Variants in MMP16 observed in about 807,000 individuals in gnomAD.
MMP16 encodes matrix metalloproteinase-16.
A neutral mutation model predicts 67.8 loss-of-function variants in MMP16; 12 were observed. That is an observed-to-expected ratio of 0.18 (90% CI 0.11 to 0.29). The LOEUF (loss-of-function observed/expected upper bound fraction) is 0.29, where lower values mean the gene tolerates loss of function less well. Ranked by LOEUF, MMP16 falls within the 10% of genes least tolerant of loss-of-function variation. The pLI, the probability that MMP16 is intolerant of heterozygous loss-of-function variation, is 1.00. For missense variants in MMP16, 475 were observed against 765.7 expected (o/e 0.62, Z 4.48); for synonymous variants, 249 against 255.9 (o/e 0.97, Z 0.26).
chr8:88,185,860 T>G (rs935168686), intron 3 of MMP16, among the ~76,000 whole-genome samples: 1 of 152,228 alleles, frequency 6.6e-6, no homozygotes, highest in African/African-American at 2.4e-5. Flanking sequence ...GTAAATTCCA[T>G]GAGGACAAAC....
intron 1 of MMP16, among the ~76,000 whole-genome samples, chr8:88,261,413 A>G (rs993912966): frequency 3.3e-5 from 5 of 152,108 alleles, no homozygotes; most frequent in African/African-American, 1.2e-4. Context: ...GGGGAAAAAA[A>G]TAATCCAACA....
intron 4 of MMP16, among the ~76,000 whole-genome samples, chr8:88,132,568 G>A (rs1053599983): frequency 2.0e-5 from 3 of 151,822 alleles, no homozygotes; most frequent in Non-Finnish European, 4.4e-5. Context: ...CACCATGTGG[G>A]CTCTTTTCAC....
At chr8:88,149,291 C>T (rs1323050879) in intron 4 of MMP16, among the ~76,000 whole-genome samples, 1 of 152,202 alleles carries the variant, frequency 6.6e-6, no homozygotes, top group Non-Finnish European at 1.5e-5. Flanking sequence ...GTGAGGGGCG[C>T]CCGCCATTGC....
rs1051580160 is a variant in MMP16, at chr8:88,033,716, C to T, written c.*7745G>A. On this transcript the variant is annotated 3_prime_UTR_variant, in exon 10 of 10. Transcript: ENST00000286614. ...TAAGCCTGAAACAAATTTTTATGGT[C>T]GAGTCTCTAAAACCCCTGAAAATAG... 3.3e-5 allele frequency: 5 copies of T among 151,970 alleles called. No individual in the cohort carries two copies. The highest frequency in any genetic ancestry group is 6.6e-5 in the Admixed American group (1 of 15,226). 9.4% of individuals were successfully genotyped at this position (151,970 alleles called of 1,614,324 possible). A position where few individuals can be genotyped will look rare whatever the true frequency, so the allele number is the denominator to read the frequency against.
chr8:88,053,646 T>C (rs949339108), intron 8 of MMP16, among the ~76,000 whole-genome samples: 3 of 152,152 alleles, frequency 2.0e-5, no homozygotes, highest in African/African-American at 7.2e-5. Context: ...AACTAAATTG[T>C]TGTGTTTTTG....
At chr8:88,199,089 G>C (rs1317107094) in intron 1 of MMP16, among the ~76,000 whole-genome samples, 1 of 151,968 alleles carries the variant, frequency 6.6e-6, no homozygotes, top group African/African-American at 2.4e-5. Flanking sequence ...ATAACACTTT[G>C]TTTGCATTCA....
intron 1 of MMP16, among the ~76,000 whole-genome samples, chr8:88,309,572 T>C (rs757594871): frequency 6.6e-6 from 1 of 151,954 alleles, no homozygotes; most frequent in Non-Finnish European, 1.5e-5. Context: ...AAGAAAAGGC[T>C]CCATGTGTTT....
chr8:88,136,723 A>G (rs1808124994), intron 4 of MMP16, among the ~76,000 whole-genome samples: 1 of 151,834 alleles, frequency 6.6e-6, no homozygotes, highest in Non-Finnish European at 1.5e-5. Context: ...AAATTCATTT[A>G]ACTCATTCCA....
At chr8:88,136,928 A>G (rs913975902) in intron 4 of MMP16, among the ~76,000 whole-genome samples, 1 of 151,876 alleles carries the variant, frequency 6.6e-6, no homozygotes, top group Non-Finnish European at 1.5e-5. Flanking sequence ...TATTCAGCTT[A>G]CATAGTGACA....
At chr8:88,259,122 T>A (rs1267282977) in intron 1 of MMP16, among the ~76,000 whole-genome samples, 2 of 152,156 alleles carry the variant, frequency 1.3e-5, no homozygotes, top group Non-Finnish European at 2.9e-5. Flanking sequence ...GTAACTGAAC[T>A]GTCATTTGAA....
intron 8 of MMP16, among the ~76,000 whole-genome samples, chr8:88,050,511 A>G (rs1014939391): frequency 6.6e-6 from 1 of 152,190 alleles, no homozygotes; most frequent in Non-Finnish European, 1.5e-5. Flanking sequence ...GTAAATTTAT[A>G]TACATATATT....
At chr8:88,250,412 A>G (rs1810191653) in intron 1 of MMP16, among the ~76,000 whole-genome samples, 1 of 152,124 alleles carries the variant, frequency 6.6e-6, no homozygotes, top group African/African-American at 2.4e-5. Context: ...CAAATTAAAT[A>G]AAGGCCTGAA....
intron 4 of MMP16, among the ~76,000 whole-genome samples, chr8:88,142,335 T>G (rs1586172344): frequency 1.3e-5 from 2 of 152,152 alleles, no homozygotes. Flanking sequence ...ATATTAGTCA[T>G]CAGACATATT....
intron 1 of MMP16, among the ~76,000 whole-genome samples, chr8:88,294,433 T>C (rs1414230840): frequency 2.6e-5 from 4 of 151,418 alleles, no homozygotes; most frequent in African/African-American, 9.7e-5. Context: ...TACACATATG[T>C]ATATGTCTAT....
chr8:88,198,950 G>A (rs189306427), intron 1 of MMP16, among the ~76,000 whole-genome samples: 130 of 152,086 alleles, frequency 8.5e-4, no homozygotes, highest in African/African-American at 3.1e-3. Flanking sequence ...CTGAATGAAG[G>A]AGGCAGGCAA....
intron 1 of MMP16, among the ~76,000 whole-genome samples, chr8:88,221,227 G>A (rs1287283199): frequency 6.6e-6 from 1 of 152,066 alleles, no homozygotes; most frequent in East Asian, 1.9e-4. Flanking sequence ...AGGCAGGTTT[G>A]TTTTCTTCAG....
At chr8:88,165,465 C>A (rs982774177) in intron 4 of MMP16, among the ~76,000 whole-genome samples, 1 of 151,854 alleles carries the variant, frequency 6.6e-6, no homozygotes, top group African/African-American at 2.4e-5. Flanking sequence ...AAAAGAAAAT[C>A]TTTCCCCTGG....
intron 1 of MMP16, among the ~76,000 whole-genome samples, chr8:88,209,870 G>A (rs984434041): frequency 2.6e-5 from 4 of 152,116 alleles, no homozygotes; most frequent in Admixed American, 2.6e-4. Context: ...CTCAAAGAAT[G>A]TTATGGACTG....
intron 6 of MMP16, among the ~76,000 whole-genome samples, chr8:88,113,663 G>C (rs143137311): frequency 1.1e-4 from 16 of 152,032 alleles, no homozygotes; most frequent in Non-Finnish European, 2.1e-4. Flanking sequence ...CCAATAAGCA[G>C]TCATTGGCAC....
Sources: allele counts gnomAD v4.1 joint callset (sites outside exome capture counted in the v4.1 genomes callset), GRCh38; gene constraint gnomAD v4.1.1; transcripts MANE v1.5; gene names NCBI Gene and HGNC (gene_info 2026-07-23, HGNC 2026-07-21).